SLC36A1: variants seen among roughly 807,000 people sequenced by gnomAD.
SLC36A1 encodes the protein solute carrier family 36 member 1.
Under a neutral mutation model 47.5 loss-of-function variants are expected in SLC36A1, and 30 were observed. The observed-to-expected ratio is 0.63, with a 90% CI of 0.47 to 0.86. SLC36A1 has a LOEUF of 0.86. Among genes scored for constraint, SLC36A1 ranks in the 40% least tolerant of loss-of-function variants. The pLI is 0.00. For missense variants in SLC36A1, 517 were observed against 606.0 expected, an observed-to-expected ratio of 0.85 and a Z score of 1.54; for synonymous variants, 255 against 249.7, an observed-to-expected ratio of 1.02 and a Z score of -0.20.
chr5:151,410,247 AATAT>A, the SLC36A1 span, among the ~76,000 whole-genome samples: 2 of 149,346 alleles, frequency 1.3e-5, no homozygotes, highest in Non-Finnish European at 3.0e-5. Flanking sequence ...AAGGATATTC[AATAT>A]GTATTTGTTC....
chr5:151,488,518 C>G lies in SLC36A1; in HGVS notation c.*264C>G, dbSNP rs1240229764. 2 of 489,472 alleles carry G rather than the reference C, an allele frequency of 4.1e-6. No individual in the cohort carries two copies. The highest frequency in any genetic ancestry group is 3.8e-5 in the African/African-American group (2 of 52,024). The allele number at this position is 489,472 out of a possible 1,614,324, so 30.3% of individuals were successfully genotyped here. ...TACACCCAGAACTTTCCAGCTCCCCCTCATCATGCCTCCTCCTTCCTACCT... is the reference window on the plus strand; with the variant it reads ...TACACCCAGAACTTTCCAGCTCCCCGTCATCATGCCTCCTCCTTCCTACCT... On this transcript the variant is annotated 3_prime_UTR_variant, in exon 11 of 11. Transcript: ENST00000243389.
At chr5:151,512,299 T>A in the SLC36A1 span, 1 of 1,614,170 alleles carries the variant, frequency 6.2e-7, no homozygotes, top group Non-Finnish European at 8.5e-7. This position sits in a 1 kb window ranked among gnomAD's most constrained non-coding sequence, Gnocchi z 4.1. Context: ...GGCCAGCAGA[T>A]CTAGAGCCTC....
At chr5:151,512,700 T>C in the SLC36A1 span, 1 of 1,211,328 alleles carries the variant, frequency 8.3e-7, no homozygotes, top group Non-Finnish European at 1.1e-6. The surrounding 1 kb of genome is among the most constrained non-coding windows in gnomAD (Gnocchi z 4.1). Flanking sequence ...GTTTGTATTT[T>C]TATGGGTAGG....
the SLC36A1 span, among the ~76,000 whole-genome samples, chr5:151,396,579 A>C: frequency 6.6e-6 from 1 of 152,132 alleles, no homozygotes; most frequent in Non-Finnish European, 1.5e-5. Flanking sequence ...CACAAGAAAA[A>C]AGAAGTATGT....
the SLC36A1 span, among the ~76,000 whole-genome samples, chr5:151,359,393 C>G: frequency 1.3e-5 from 2 of 152,180 alleles, no homozygotes; most frequent in East Asian, 3.8e-4. Context: ...CTGGAGGAGG[C>G]ATATTTTTTC....
At chr5:151,406,648 A>G in the SLC36A1 span, 1 of 152,244 alleles carries the variant, frequency 6.6e-6, no homozygotes, top group Non-Finnish European at 1.5e-5. Context: ...AAAGTGAAAC[A>G]GCTAGCTAGC....
chr5:151,510,619 T>A, the SLC36A1 span: 2 of 154,458 alleles, frequency 1.3e-5, no homozygotes, highest in Admixed American at 1.3e-4. Flanking sequence ...ATGGCAAAGC[T>A]GGGGTTCAAA....
chr5:151,546,384 T>TA, the SLC36A1 span: 6 of 1,442,682 alleles, frequency 4.2e-6, no homozygotes, highest in Non-Finnish European at 4.8e-6. Flanking sequence ...CCTCGACAGG[T>TA]ATCAGCTAGG....
downstream of SLC36A1, among the ~76,000 whole-genome samples, chr5:151,494,360 A>T (rs1166436219): frequency 6.6e-6 from 1 of 152,294 alleles, no homozygotes; most frequent in African/African-American, 2.4e-5. Context: ...GTGCAGTTCA[A>T]TGTGTTTTGC....
chr5:151,542,058 A>T, the SLC36A1 span, among the ~76,000 whole-genome samples: 3 of 152,230 alleles, frequency 2.0e-5, no homozygotes, highest in Non-Finnish European at 4.4e-5. Context: ...TCTAATGTAT[A>T]GGTGCTTTCT....
chr5:151,491,362 C>T lies in SLC36A1; in HGVS notation c.*3108C>T, dbSNP rs372317774. On this transcript the variant is annotated 3_prime_UTR_variant, in exon 11 of 11. Coordinates refer to ENST00000243389, the MANE Select transcript of SLC36A1 (RefSeq NM_078483.4). ...ATGTGTGGCATCATTTCACTTCAGC[C>T]GCCCAATTCCATCTCTCCTCTGCAG... The T allele has an allele frequency of 2.6e-5, 4 of 152,776 alleles. No homozygotes were observed. Among genetic ancestry groups the T allele is most frequent in the Admixed American group, 2.0e-4 (3 of 15,310 alleles). The allele number at this position is 152,776 out of a possible 1,614,324, so 9.5% of individuals were successfully genotyped here.
chr5:151,512,049 G>T, the SLC36A1 span: 1 of 911,152 alleles, frequency 1.1e-6, no homozygotes, highest in South Asian at 1.7e-5. The surrounding 1 kb of genome is among the most constrained non-coding windows in gnomAD (Gnocchi z 4.1). Flanking sequence ...CAAGTTAGGG[G>T]AAGAGAGAGA....
chr5:151,366,271 C>T, the SLC36A1 span, among the ~76,000 whole-genome samples: 16 of 152,358 alleles, frequency 1.1e-4, no homozygotes, highest in South Asian at 1.0e-3. Flanking sequence ...CCACCCAACA[C>T]TGTGGTGGCC....
intron 1 of SLC36A1, among the ~76,000 whole-genome samples, chr5:151,453,226 TAAATAAAATAAAATA>T (rs1554108489): frequency 1.3e-5 from 2 of 151,446 alleles, no homozygotes; most frequent in Non-Finnish European, 2.9e-5. Context: ...TTAAAATAAA[TAAATAAAATAAAATA>T]AAATAAAATG....
intron 1 of SLC36A1, among the ~76,000 whole-genome samples, chr5:151,442,265 A>G (rs1752672352): frequency 6.6e-6 from 1 of 152,172 alleles, no homozygotes. Context: ...CATCTCCATC[A>G]TTTCACATAG....
the SLC36A1 span, chr5:151,534,684 A>C: frequency 1.3e-6 from 2 of 1,542,224 alleles, no homozygotes; most frequent in South Asian, 1.1e-5. Context: ...CTCTGGGGAA[A>C]TATTACCCAA....
At chr5:151,550,257 G>A in the SLC36A1 span, among the ~76,000 whole-genome samples, 1 of 152,178 alleles carries the variant, frequency 6.6e-6, no homozygotes, top group African/African-American at 2.4e-5. Flanking sequence ...CTCTCAGTGG[G>A]AGAGGCTCTG....
chr5:151,418,094 G>A, the SLC36A1 span, among the ~76,000 whole-genome samples: 2 of 152,382 alleles, frequency 1.3e-5, no homozygotes, highest in South Asian at 4.1e-4. Context: ...GTGCACAGAA[G>A]TCAAGAACTG....
chr5:151,512,543 A>G, the SLC36A1 span: 1 of 1,614,158 alleles, frequency 6.2e-7, no homozygotes, highest in Non-Finnish European at 8.5e-7. This position sits in a 1 kb window ranked among gnomAD's most constrained non-coding sequence, Gnocchi z 4.1. Flanking sequence ...TGGCGCTGGG[A>G]GGAAAGGTTT....
Sources: allele counts gnomAD v4.1 joint callset (sites outside exome capture counted in the v4.1 genomes callset), GRCh38; gene constraint gnomAD v4.1.1; non-coding constraint Gnocchi (gnomAD v3.1); transcripts MANE v1.5; gene names NCBI Gene and HGNC (gene_info 2026-07-23, HGNC 2026-07-21).